PLD5: variants seen among roughly 807,000 people sequenced by gnomAD.
The protein encoded by PLD5 is phospholipase D family member 5, also known as inactive phospholipase D5.
In PLD5, 36 loss-of-function variants were observed where a neutral mutation model predicts 61.1. The observed-to-expected ratio is 0.59, with a 90% confidence interval of 0.45 to 0.78. The LOEUF (loss-of-function observed/expected upper bound fraction) is 0.78, where lower values mean the gene tolerates loss of function less well. Ranked by LOEUF, PLD5 falls within the 30% of genes least tolerant of loss-of-function variation. The pLI is 0.00. For synonymous variants in PLD5, 243 were observed against 242.8 expected (o/e 1.00, Z -0.01); for missense variants, 515 against 644.4 (o/e 0.80, Z 2.17).
intron 4 of PLD5, among the ~76,000 whole-genome samples, chr1:242,262,292 T>G (rs1203202693): frequency 3.3e-5 from 5 of 152,188 alleles, no homozygotes; most frequent in Non-Finnish European, 7.3e-5. Flanking sequence ...AGTGGTTCCC[T>G]CTGCGGAGGG....
chr1:242,402,423 T>C (rs1003413607), intron 1 of PLD5, among the ~76,000 whole-genome samples: 3 of 152,220 alleles, frequency 2.0e-5, no homozygotes, highest in Admixed American at 6.5e-5. Context: ...AGGAAAATGA[T>C]TATAGATGTC....
chr1:242,113,910 GA>G lies in PLD5; in HGVS notation c.1049del (p.Ile350ThrfsTer18). On this transcript the variant is annotated frameshift_variant, in exon 7 of 10. Coordinates refer to ENST00000536534, the MANE Select transcript of PLD5 (RefSeq NM_001372062.1). LOFTEE classifies it high-confidence loss of function. Reference sequence around the variant, plus strand: ...CTGACCTTTTGGTGCTTGTGCTGGAGATAGGCAGGTAGTCCATGACAGCGAT... The same window carrying G: ...CTGACCTTTTGGTGCTTGTGCTGGAGTAGGCAGGTAGTCCATGACAGCGAT... The part of the protein sequence containing the change: ...VYIAVMDYLP[I>X]SSTSTKRTYW... The G allele has an allele frequency of 6.2e-7, 1 of 1,613,456 alleles. No homozygotes were observed.
At chr1:242,226,434 C>G (rs564618859) in intron 4 of PLD5, among the ~76,000 whole-genome samples, 101 of 152,314 alleles carry the variant, frequency 6.6e-4, no homozygotes, top group Non-Finnish European at 1.3e-3. Flanking sequence ...ATTAGTAACT[C>G]AAAATAATCT....
intron 2 of PLD5, among the ~76,000 whole-genome samples, chr1:242,319,153 A>T (rs1214340352): frequency 6.6e-6 from 1 of 152,116 alleles, no homozygotes; most frequent in African/African-American, 2.4e-5. Flanking sequence ...ATTAAAGAAA[A>T]ATAACCTGAA....
chr1:242,114,620 G>A (rs1279890031), intron 6 of PLD5, among the ~76,000 whole-genome samples: 5 of 152,168 alleles, frequency 3.3e-5, no homozygotes, highest in Admixed American at 6.5e-5. Context: ...TCGCGTCACC[G>A]CCTGAGCTCC....
intron 1 of PLD5, among the ~76,000 whole-genome samples, chr1:242,368,921 T>A (rs1278810516): frequency 6.6e-6 from 1 of 152,198 alleles, no homozygotes; most frequent in African/African-American, 2.4e-5. Flanking sequence ...GCCCTCACTA[T>A]CTGCCTAAAA....
intron 1 of PLD5, among the ~76,000 whole-genome samples, chr1:242,408,941 C>T (rs1030579347): frequency 1.3e-5 from 2 of 152,008 alleles, no homozygotes; most frequent in African/African-American, 2.4e-5. Flanking sequence ...GTGGCAGGTG[C>T]CTGTAATCCC....
chr1:242,348,914 C>T (rs530008577), intron 1 of PLD5, among the ~76,000 whole-genome samples: 35 of 152,150 alleles, frequency 2.3e-4, no homozygotes, highest in African/African-American at 3.4e-4. Context: ...ATTAGCTGGG[C>T]GTGGTGGCAG....
chr1:242,411,473 G>T (rs1421655186), intron 1 of PLD5, among the ~76,000 whole-genome samples: 1 of 151,978 alleles, frequency 6.6e-6, no homozygotes, highest in East Asian at 1.9e-4. Context: ...CTGACCTCGT[G>T]ATCCACCTGC....
chr1:242,418,701 T>C (rs1503793), intron 1 of PLD5, among the ~76,000 whole-genome samples: 67,398 of 151,984 alleles, frequency 0.44, 16,525 homozygotes, highest in African/African-American at 0.66. Context: ...TTTCTTGCAC[T>C]CAATTTATTC....
intron 2 of PLD5, among the ~76,000 whole-genome samples, chr1:242,291,720 G>A (rs1675378222): frequency 6.6e-6 from 1 of 152,026 alleles, no homozygotes; most frequent in African/African-American, 2.4e-5. Flanking sequence ...GCAGGAGAAT[G>A]GCATGAACCC....
chr1:242,432,595 T>A (rs926245904), intron 1 of PLD5, among the ~76,000 whole-genome samples: 4 of 152,166 alleles, frequency 2.6e-5, no homozygotes, highest in Non-Finnish European at 4.4e-5. Context: ...CGGGTTTAAG[T>A]ACAACCACAC....
chr1:242,149,281 T>C (rs768810085), intron 5 of PLD5, among the ~76,000 whole-genome samples: 6 of 151,904 alleles, frequency 3.9e-5, no homozygotes, highest in Non-Finnish European at 8.8e-5. Context: ...TTTAGTCTTT[T>C]GATACAGTAT....
chr1:242,184,022 C>A (rs561054815), intron 5 of PLD5, among the ~76,000 whole-genome samples: 2 of 152,260 alleles, frequency 1.3e-5, no homozygotes, highest in African/African-American at 4.8e-5. Flanking sequence ...AAAAGTTGTA[C>A]GCATTAATTT....
chr1:242,379,536 A>G (rs779307472), intron 1 of PLD5, among the ~76,000 whole-genome samples: 4 of 152,224 alleles, frequency 2.6e-5, no homozygotes, highest in Non-Finnish European at 5.9e-5. Flanking sequence ...CTTGAGCACA[A>G]TAGCATCCAG....
chr1:242,194,804 A>G (rs1477298698), intron 5 of PLD5, among the ~76,000 whole-genome samples: 1 of 152,126 alleles, frequency 6.6e-6, no homozygotes, highest in African/African-American at 2.4e-5. Flanking sequence ...AGGCATTCTC[A>G]CTCATAAGTG....
chr1:242,089,773 T>A lies in PLD5; in HGVS notation c.*81A>T. The A allele has an allele frequency of 6.5e-7, 1 of 1,543,120 alleles. No homozygotes were observed. Among genetic ancestry groups the A allele is most frequent in the South Asian group, 1.2e-5 (1 of 85,108 alleles). ...TGCTTTTTCCCTAAAAAAAGAGACA[T>A]ATTAAAGTGTTTTTTCTCTCCTCAA... On this transcript the variant is annotated 3_prime_UTR_variant, in exon 10 of 10. Transcript: ENST00000536534.
intron 4 of PLD5, among the ~76,000 whole-genome samples, chr1:242,252,036 G>A (rs2149083033): frequency 1.3e-5 from 2 of 152,296 alleles, no homozygotes; most frequent in South Asian, 4.1e-4. Flanking sequence ...TTGGTTAGGA[G>A]ACATAGAGTG....
chr1:242,363,454 TAA>T (rs201808284), intron 1 of PLD5, among the ~76,000 whole-genome samples: 7,820 of 118,824 alleles, frequency 0.066, 278 homozygotes, highest in Non-Finnish European at 0.094. Flanking sequence ...CCTGTCTCTT[TAA>T]AAAAAAAAAA....
Sources: gnomAD v4.1 joint callset for allele counts (sites outside exome capture counted in the v4.1 genomes callset) on GRCh38, gnomAD v4.1.1 for gene constraint, MANE v1.5 for transcripts, NCBI Gene and HGNC (gene_info 2026-07-23, HGNC 2026-07-21) for gene names.